The following ADAMTS20 variants were observed in gnomAD, a reference collection of about 807,000 sequenced individuals.
The protein encoded by ADAMTS20 is ADAM metallopeptidase with thrombospondin type 1 motif 20.
In ADAMTS20, 225 loss-of-function variants were observed where a neutral mutation model predicts 260.1. That is an observed-to-expected ratio of 0.87 (90% CI 0.78 to 0.97). ADAMTS20 has a LOEUF of 0.97. Among genes scored for constraint, ADAMTS20 ranks in the 50% least tolerant of loss-of-function variants. ADAMTS20 has a pLI of 0.00. For synonymous variants in ADAMTS20, 802 were observed against 769.5 expected, an observed-to-expected ratio of 1.04 and a Z score of -0.70; for missense variants, 2,400 against 2,337.7, an observed-to-expected ratio of 1.03 and a Z score of -0.55.
At chr12:43,408,013 A>G (rs1319036626) in intron 28 of ADAMTS20, among the ~76,000 whole-genome samples, 1 of 152,202 alleles carries the variant, frequency 6.6e-6, no homozygotes, top group African/African-American at 2.4e-5. Flanking sequence ...TGGAGTTTTT[A>G]TTGACTCATC....
intron 37 of ADAMTS20, among the ~76,000 whole-genome samples, chr12:43,362,820 A>C (rs2137188319): frequency 6.7e-6 from 1 of 150,090 alleles, no homozygotes; most frequent in East Asian, 2.0e-4. Context: ...TAAAGCTTAA[A>C]GTATAATTAG....
rs775622386 is a variant in ADAMTS20, at chr12:43,375,426, G to A, written c.5399C>T (p.Thr1800Ile). Residue 1800 changes from threonine to isoleucine, a missense_variant, in exon 36 of 39, where the codon ACT becomes ATT. Coordinates refer to ENST00000389420, the MANE Select transcript of ADAMTS20 (RefSeq NM_025003.5). ...ATCAATTCTTATTTTGCTGAAAACA[G>A]TGTATCCAGCAGCTAAGTGTCCATT... Reference protein sequence around the residue: ...CDNGHLAAGYTVFSKIRIDLT... With the variant: ...CDNGHLAAGYIVFSKIRIDLT... 3 of 1,613,572 alleles carry A rather than the reference G, an allele frequency of 1.9e-6. No homozygotes were observed. Among genetic ancestry groups the A allele is most frequent in the South Asian group, 1.1e-5 (1 of 91,066 alleles).
At chr12:43,468,546 T>C in intron 8 of ADAMTS20, 54 bp downstream of exon 8, 1 of 1,102,648 alleles carries the variant, frequency 9.1e-7, no homozygotes. Context: ...ATTTCAGGCA[T>C]TCTGTGCAAA....
chr12:43,413,946 G>C (rs917760437), intron 28 of ADAMTS20, among the ~76,000 whole-genome samples: 1 of 151,928 alleles, frequency 6.6e-6, no homozygotes, highest in African/African-American at 2.4e-5. Context: ...ATATTCTTTC[G>C]TTTTAACATT....
chr12:43,462,844 A>C, intron 11 of ADAMTS20, 51 bp downstream of exon 11: 1 of 1,440,108 alleles, frequency 6.9e-7, no homozygotes, highest in Non-Finnish European at 9.5e-7. Flanking sequence ...CAGAGCAATC[A>C]CATCCTTGGA....
intron 37 of ADAMTS20, among the ~76,000 whole-genome samples, chr12:43,367,294 A>G (rs1019618553): frequency 2.0e-5 from 3 of 152,040 alleles, no homozygotes; most frequent in Non-Finnish European, 4.4e-5. Context: ...AATATTCTCA[A>G]AAAATAGTAG....
Position 43,376,135 on chromosome 12 carries a change from T to C in ADAMTS20, c.5234A>G (p.Asp1745Gly), listed in dbSNP as rs1175627686. 1 of 1,604,174 alleles carries C rather than the reference T, an allele frequency of 6.2e-7. No individual in the cohort carries two copies. Among genetic ancestry groups the C allele is most frequent in the Admixed American group, 1.7e-5 (1 of 58,218 alleles). ...KGRIIKIYCA[D>G]MYLENPKEYL... ...TTCCTTAGGGTTCTCCAAGTACATG[T>C]CTGCACAATAAATCTAAAGAAAAAA... is the stretch of plus-strand genomic sequence containing the variant. The change falls in exon 35 of 39, where the codon GAC becomes GGC. Residue 1745 changes from aspartate (D) to glycine (G), a missense_variant. Coordinates refer to ENST00000389420, the MANE Select transcript of ADAMTS20 (RefSeq NM_025003.5).
Position 43,431,455 on chromosome 12 carries a change from T to C in ADAMTS20, c.3138A>G (p.Val1046=), listed in dbSNP as rs1199617905. The C allele has an allele frequency of 3.7e-6, 6 of 1,613,860 alleles. No homozygotes were observed. Among genetic ancestry groups the C allele is most frequent in the African/African-American group, 1.3e-5 (1 of 74,928 alleles). ...TCGKGTKQRQ[V]WCQLNVDHLS... is the part of the protein sequence containing the mutation. ...AGTGATCTACATTCAGCTGACACCA[T>C]ACCTGCCGCTGCTTTGTTCCTTTAC... Residue 1046 remains valine, a synonymous_variant, in exon 22 of 39, where the codon GTA becomes GTG. Coordinates refer to ENST00000389420, the MANE Select transcript of ADAMTS20 (RefSeq NM_025003.5).
At chr12:43,524,984 AG>A (rs1442545454) in intron 3 of ADAMTS20, among the ~76,000 whole-genome samples, 1 of 152,222 alleles carries the variant, frequency 6.6e-6, no homozygotes, top group Non-Finnish European at 1.5e-5. Context: ...AAAACTTCCC[AG>A]GCCTTACTAG....
intron 24 of ADAMTS20, 33 bp downstream of exon 24, chr12:43,429,584 G>T (rs1941399986): frequency 6.9e-7 from 1 of 1,453,568 alleles, no homozygotes; most frequent in South Asian, 1.3e-5. Context: ...TACCATAATA[G>T]AAACACTGTA....
chr12:43,530,750 C>T (rs1048514547), intron 3 of ADAMTS20, among the ~76,000 whole-genome samples: 5 of 152,046 alleles, frequency 3.3e-5, no homozygotes, highest in African/African-American at 1.2e-4. Flanking sequence ...CTTATATGGA[C>T]ACAACTCTTA....
At chr12:43,468,854 T>C (rs1215823308) in intron 7 of ADAMTS20, 149 bp from the exon 8 acceptor site, 18 of 504,704 alleles carry the variant, frequency 3.6e-5, no homozygotes, top group Non-Finnish European at 3.8e-5. Flanking sequence ...TTTTAAAAGG[T>C]GAAAAAGAGA....
chr12:43,401,477 A>C (rs2220868), intron 28 of ADAMTS20, among the ~76,000 whole-genome samples: 34,193 of 151,766 alleles, frequency 0.23, 4,618 homozygotes, highest in African/African-American at 0.37. Context: ...TTTCCTCTAT[A>C]AGCATTATCT....
chr12:43,543,047 C>G (rs1943396929), intron 2 of ADAMTS20, among the ~76,000 whole-genome samples: 1 of 152,170 alleles, frequency 6.6e-6, no homozygotes, highest in Non-Finnish European at 1.5e-5. Flanking sequence ...TGCCCGTAAT[C>G]CCAACACTTT....
intron 3 of ADAMTS20, among the ~76,000 whole-genome samples, chr12:43,522,007 T>C (rs958337444): frequency 6.6e-6 from 1 of 152,176 alleles, no homozygotes; most frequent in Non-Finnish European, 1.5e-5. Flanking sequence ...AACAGAGAAA[T>C]TTAAAGCTGG....
intron 11 of ADAMTS20, among the ~76,000 whole-genome samples, chr12:43,461,180 G>T (rs1054133745): frequency 6.6e-6 from 1 of 150,698 alleles, no homozygotes; most frequent in Non-Finnish European, 1.5e-5. Context: ...TAGTAGAGAT[G>T]GGGTTTTGCC....
At chr12:43,427,555 CTCAA>C in intron 26 of ADAMTS20, 86 bp from the exon 27 acceptor site, 1 of 1,308,498 alleles carries the variant, frequency 7.6e-7, no homozygotes, top group Non-Finnish European at 1.0e-6. Flanking sequence ...TCAGCATTGA[CTCAA>C]TCAAAATCAA....
chr12:43,467,317 T>C (rs999906026), intron 8 of ADAMTS20, among the ~76,000 whole-genome samples: 8 of 152,012 alleles, frequency 5.3e-5, no homozygotes, highest in African/African-American at 1.9e-4. Flanking sequence ...AGAACTAGAA[T>C]AATAAAAACA....
chr12:43,416,737 T>C (rs934722893), intron 28 of ADAMTS20, among the ~76,000 whole-genome samples: 4 of 152,030 alleles, frequency 2.6e-5, no homozygotes, highest in African/African-American at 9.7e-5. Flanking sequence ...TTAGCCAGGA[T>C]GGTCTCGATC....
Sources: gnomAD v4.1 joint callset for allele counts (sites outside exome capture counted in the v4.1 genomes callset) on GRCh38, gnomAD v4.1.1 for gene constraint, MANE v1.5 for transcripts, NCBI Gene and HGNC (gene_info 2026-07-23, HGNC 2026-07-21) for gene names.